Variants in SH3GL2 observed in about 807,000 individuals in gnomAD.
SH3GL2 encodes SH3 domain containing GRB2 like 2, endophilin A1, also known as endophilin-A1.
In SH3GL2, 24 loss-of-function variants were observed where a neutral mutation model predicts 46.0. The observed-to-expected ratio is 0.52, with a 90% CI of 0.38 to 0.73. The LOEUF (loss-of-function observed/expected upper bound fraction) is 0.73. SH3GL2 is among the 30% of genes least tolerant of loss of function. SH3GL2 has a pLI of 0.00. For missense variants in SH3GL2, 413 were observed against 424.2 expected, an observed-to-expected ratio of 0.97 and a Z score of 0.23; for synonymous variants, 196 against 147.1, an observed-to-expected ratio of 1.33 and a Z score of -2.40.
chr9:17,736,367 A>G (rs1822335404), intron 1 of SH3GL2, among the ~76,000 whole-genome samples: 1 of 152,060 alleles, frequency 6.6e-6, no homozygotes, highest in South Asian at 2.1e-4. Flanking sequence ...TTGTCAGTAA[A>G]CAGGACTTTT....
At chr9:17,672,891 G>A (rs371466515) in intron 1 of SH3GL2, among the ~76,000 whole-genome samples, 4 of 151,970 alleles carry the variant, frequency 2.6e-5, no homozygotes, top group Admixed American at 1.3e-4. Flanking sequence ...TTAGATTTTC[G>A]TACATTCATA....
intron 1 of SH3GL2, among the ~76,000 whole-genome samples, chr9:17,720,102 A>T (rs1821857666): frequency 6.6e-6 from 1 of 152,058 alleles, no homozygotes; most frequent in Non-Finnish European, 1.5e-5. Context: ...AAAGATGTTT[A>T]CTTTATTTTG....
At chr9:17,628,409 TGGG>T (rs1819335498) in intron 1 of SH3GL2, among the ~76,000 whole-genome samples, 1 of 103,908 alleles carries the variant, frequency 9.6e-6, no homozygotes, top group African/African-American at 4.0e-5. Flanking sequence ...AACTATATCT[TGGG>T]TGTGTGTGTG....
chr9:17,627,247 A>G (rs892930492), intron 1 of SH3GL2, among the ~76,000 whole-genome samples: 2 of 152,150 alleles, frequency 1.3e-5, no homozygotes, highest in African/African-American at 4.8e-5. Flanking sequence ...TTCATCCTGC[A>G]GCGCCATATA....
At chr9:17,596,655 G>GAAC (rs1206035976) in intron 1 of SH3GL2, among the ~76,000 whole-genome samples, 1 of 152,206 alleles carries the variant, frequency 6.6e-6, no homozygotes, top group Non-Finnish European at 1.5e-5. Context: ...TGTTGAACTT[G>GAAC]AATGCGGAAC....
intron 1 of SH3GL2, among the ~76,000 whole-genome samples, chr9:17,701,429 G>C (rs142602069): frequency 6.6e-6 from 1 of 152,096 alleles, no homozygotes; most frequent in Non-Finnish European, 1.5e-5. Context: ...GGTAGGACTT[G>C]AGTATATCGT....
In SH3GL2 at chr9:17,600,367, G is replaced by C. The variant is rs956135172; in HGVS notation, c.45+21080G>C. ...AAAAAAATCAAGATGTCAAAGACAGGAATGTAATGTCGAAGGGAGAATTTC... is the reference window on the plus strand; with the variant it reads ...AAAAAAATCAAGATGTCAAAGACAGCAATGTAATGTCGAAGGGAGAATTTC... On this transcript the variant is annotated intron_variant, in intron 1 of 8. Transcript: ENST00000380607. Among the ~76,000 whole-genome samples the C allele has an allele frequency of 1.3e-5, 2 of 152,202 alleles. 1 individual carries two copies. The highest frequency in any genetic ancestry group is 1.3e-4 in the Admixed American group (2 of 15,280).
intron 1 of SH3GL2, among the ~76,000 whole-genome samples, chr9:17,682,231 A>T (rs1228991621): frequency 1.3e-5 from 2 of 152,156 alleles, no homozygotes; most frequent in Non-Finnish European, 2.9e-5. Flanking sequence ...AAGGATTATA[A>T]ATCATTCTAC....
chr9:17,736,312 A>G lies in SH3GL2; in HGVS notation c.46-10754A>G, dbSNP rs1215267786. On this transcript the variant is annotated intron_variant, in intron 1 of 8. Coordinates refer to ENST00000380607, the MANE Select transcript of SH3GL2 (RefSeq NM_003026.5). ...TTTCAAATTTTATACCTCAGACAGG[A>G]ATCCATCTTTCTGAGTTTTGTGTAG... 3.3e-5 allele frequency among the ~76,000 whole-genome samples: 5 copies of G among 152,102 alleles called. No homozygotes were observed. The South Asian group carries it at 1.0e-3, about 31-fold the overall frequency.
chr9:17,636,764 A>G (rs1396127141), intron 1 of SH3GL2, among the ~76,000 whole-genome samples: 1 of 152,208 alleles, frequency 6.6e-6, no homozygotes, highest in Non-Finnish European at 1.5e-5. Flanking sequence ...TGTACGTACT[A>G]CTTACCTAGT....
Position 17,742,998 on chromosome 9 carries a change from A to G in SH3GL2, c.46-4068A>G, listed in dbSNP as rs7042138. On this transcript the variant is annotated intron_variant, in intron 1 of 8. Transcript: ENST00000380607. ...TAAGTGGCATCAGATAACATTCAGT[A>G]CTGTGAAGTGTCAATTTTAGATATC... is the stretch of plus-strand genomic sequence containing the variant. 2.3e-3 allele frequency among the ~76,000 whole-genome samples: 355 copies of G among 152,340 alleles called. 2 individuals carry two copies. Among genetic ancestry groups the G allele is most frequent in the African/African-American group, 8.0e-3 (331 of 41,584 alleles).
chr9:17,740,023 C>T (rs1462817727), intron 1 of SH3GL2, among the ~76,000 whole-genome samples: 1 of 152,100 alleles, frequency 6.6e-6, no homozygotes, highest in African/African-American at 2.4e-5. Context: ...GTTTTTAGCT[C>T]TAGATATTCA....
At chr9:17,788,176 A>G (rs1316754715) in intron 5 of SH3GL2, among the ~76,000 whole-genome samples, 1 of 152,098 alleles carries the variant, frequency 6.6e-6, no homozygotes. Flanking sequence ...CCATAACTTG[A>G]ACTAGGGCCT....
chr9:17,626,749 A>G, intron 1 of SH3GL2, among the ~76,000 whole-genome samples: 1 of 152,212 alleles, frequency 6.6e-6, no homozygotes, highest in East Asian at 1.9e-4. Flanking sequence ...GACATTTGAC[A>G]GTCCCTCTCC....
intron 1 of SH3GL2, among the ~76,000 whole-genome samples, chr9:17,675,654 T>C (rs1380950887): frequency 6.6e-6 from 1 of 152,158 alleles, no homozygotes; most frequent in East Asian, 1.9e-4. Flanking sequence ...CTGATAAACA[T>C]GCTAATGCCA....
intron 1 of SH3GL2, among the ~76,000 whole-genome samples, chr9:17,654,079 G>A (rs1230086542): frequency 6.6e-6 from 1 of 152,114 alleles, no homozygotes; most frequent in African/African-American, 2.4e-5. Flanking sequence ...CTTCTAGAAG[G>A]TGTCAAGACA....
chr9:17,625,893 T>A (rs1232686450), intron 1 of SH3GL2, among the ~76,000 whole-genome samples: 1 of 152,178 alleles, frequency 6.6e-6, no homozygotes, highest in Non-Finnish European at 1.5e-5. Flanking sequence ...AGGAGGTATG[T>A]CTTAAACCCC....
rs1000614616 is a variant in SH3GL2 at position 17,594,361 on chromosome 9, C to G, written c.45+15074C>G. On this transcript the variant is annotated intron_variant, in intron 1 of 8. Coordinates refer to ENST00000380607, the MANE Select transcript of SH3GL2 (RefSeq NM_003026.5). ...TTTCCACTTGGTATTTGATTAATCA[C>G]CACTTTATCAGCTTCATATTTTCTC... is the stretch of plus-strand genomic sequence containing the variant. Among the ~76,000 whole-genome samples, 3 of 152,164 alleles carry G rather than the reference C, an allele frequency of 2.0e-5. No individual in the cohort carries two copies. The South Asian group carries it at 6.2e-4, about 32-fold the overall frequency.
intron 1 of SH3GL2, among the ~76,000 whole-genome samples, chr9:17,733,278 A>AT (rs1356770798): frequency 6.6e-6 from 1 of 150,906 alleles, no homozygotes; most frequent in Non-Finnish European, 1.5e-5. Flanking sequence ...TATTTTTTTC[A>AT]TTTTTTTATT....
Sources: allele counts gnomAD v4.1 joint callset (sites outside exome capture counted in the v4.1 genomes callset), GRCh38; gene constraint gnomAD v4.1.1; transcripts MANE v1.5; gene names NCBI Gene and HGNC (gene_info 2026-07-23, HGNC 2026-07-21).